SLC27A6: variants seen among roughly 807,000 people sequenced by gnomAD.
SLC27A6 encodes the protein solute carrier family 27 member 6, also known as long-chain fatty acid transport protein 6.
In SLC27A6, 74 loss-of-function variants were observed where a neutral mutation model predicts 63.9. That is an observed-to-expected ratio of 1.16 (90% CI 0.96 to 1.40). The LOEUF (loss-of-function observed/expected upper bound fraction) is 1.40, where lower values mean the gene tolerates loss of function less well. Ranked by LOEUF, SLC27A6 falls within the 40% of genes most tolerant of loss-of-function variation. The pLI is 0.00. For synonymous variants in SLC27A6, 287 were observed against 260.8 expected (o/e 1.10, Z -0.97); for missense variants, 794 against 732.9 (o/e 1.08, Z -0.96).
chr5:129,029,848 C>A (rs1382349411), intron 9 of SLC27A6, 141 bp downstream of exon 9: 20 of 666,534 alleles, frequency 3.0e-5, no homozygotes, highest in Middle Eastern at 4.2e-4. Context: ...CAGATCGATG[C>A]CATGTTTGAA....
At chr5:129,007,430 G>A (rs1215737853) in intron 4 of SLC27A6, among the ~76,000 whole-genome samples, 4 of 127,072 alleles carry the variant, frequency 3.1e-5, no homozygotes, top group East Asian at 4.4e-4. Context: ...GCGACAGAGC[G>A]AGACTCAGTC....
intron 2 of SLC27A6, among the ~76,000 whole-genome samples, chr5:128,987,303 A>G (rs926594934): frequency 6.6e-6 from 1 of 152,186 alleles, no homozygotes; most frequent in African/African-American, 2.4e-5. Context: ...GATTCCCCCA[A>G]CAGAATGTCC....
At chr5:128,975,406 A>G (rs1255536346) in intron 1 of SLC27A6, among the ~76,000 whole-genome samples, 2 of 152,220 alleles carry the variant, frequency 1.3e-5, no homozygotes, top group African/African-American at 4.8e-5. Flanking sequence ...TTGTTGTGTG[A>G]ACATCATAGA....
rs772325907 is a variant in SLC27A6, at chr5:128,966,556, G to T, written c.419G>T (p.Arg140Leu). The change falls in exon 1 of 10, where the codon CGC (arginine) becomes CTC (leucine). Residue 140 changes from arginine to leucine, a missense_variant. Arg to Leu is a moderately radical substitution (Grantham distance 102, BLOSUM62 -2). Transcript: ENST00000262462. ...CVVAFLNTNI[R>L]SNSLLNCIRA... ...GTGGCCTTTCTCAACACCAACATTCGCTCCAACTCCCTCCTGAATTGCATC... is the reference window on the plus strand; with the variant it reads ...GTGGCCTTTCTCAACACCAACATTCTCTCCAACTCCCTCCTGAATTGCATC... The T allele has an allele frequency of 4.5e-5, 70 of 1,572,150 alleles. No individual in the cohort carries two copies. Among genetic ancestry groups the T allele is most frequent in the Non-Finnish European group, 5.8e-5 (68 of 1,164,216 alleles).
chr5:128,986,464 T>C (rs1172058803), intron 2 of SLC27A6, among the ~76,000 whole-genome samples: 1 of 152,248 alleles, frequency 6.6e-6, no homozygotes, highest in Admixed American at 6.5e-5. Context: ...GTATTGTTAC[T>C]CATTTCTTGT....
chr5:128,998,117 CAAAAAAAA>C (rs34463699), intron 4 of SLC27A6, among the ~76,000 whole-genome samples: 6 of 89,384 alleles, frequency 6.7e-5, no homozygotes, highest in African/African-American at 2.2e-4. Flanking sequence ...CCCATCTCTA[CAAAAAAAA>C]AAAAAAAAAA....
At chr5:128,992,126 GGGTGGGGC>G in intron 4 of SLC27A6, among the ~76,000 whole-genome samples, 1 of 139,070 alleles carries the variant, frequency 7.2e-6, no homozygotes, top group African/African-American at 3.0e-5. Flanking sequence ...GCCCTACGTG[GGGTGGGGC>G]AACAGAACCT....
At position 128,985,186 on chromosome 5, in the gene SLC27A6, GT is replaced by G. The variant is rs763580811; in HGVS notation, c.538del (p.Trp180GlyfsTer3). 2 of 1,613,970 alleles carry G rather than the reference GT, an allele frequency of 1.2e-6. No individual in the cohort carries two copies. Among genetic ancestry groups the G allele is most frequent in the Non-Finnish European group, 1.7e-6 (2 of 1,179,946 alleles). On this transcript the variant is annotated frameshift_variant, in exon 2 of 10. Transcript: ENST00000262462. LOFTEE classifies it high-confidence loss of function. ...ILPSLSENIS[V>X]WGMKDSVPQG... ...TCCAAGCCTCTCAGAAAATATCAGT[GT>G]TTGGGGGATGAAAGATTCTGTTCCA...
chr5:128,973,145 G>T (rs2577442), intron 1 of SLC27A6, among the ~76,000 whole-genome samples: 1 of 151,992 alleles, frequency 6.6e-6, no homozygotes, highest in Non-Finnish European at 1.5e-5. Flanking sequence ...CTGGAAGCTT[G>T]GTCTCAGAGG....
intron 1 of SLC27A6, among the ~76,000 whole-genome samples, chr5:128,973,858 A>G (rs1750280975): frequency 6.6e-6 from 1 of 152,148 alleles, no homozygotes; most frequent in Non-Finnish European, 1.5e-5. Context: ...TGCGTCGCTC[A>G]CGCTAGGAGC....
intron 1 of SLC27A6, among the ~76,000 whole-genome samples, chr5:128,969,139 T>C (rs368856204): frequency 1.3e-5 from 2 of 152,134 alleles, no homozygotes; most frequent in South Asian, 2.1e-4. Flanking sequence ...GTTTTGGTAC[T>C]AGTACCATGC....
chr5:128,967,856 C>T (rs925724644), intron 1 of SLC27A6, among the ~76,000 whole-genome samples: 2 of 152,078 alleles, frequency 1.3e-5, no homozygotes, highest in African/African-American at 4.8e-5. Flanking sequence ...TAGTGTGCTG[C>T]ACCCATTAAC....
At chr5:129,003,777 C>G (rs1220166821) in intron 4 of SLC27A6, among the ~76,000 whole-genome samples, 1 of 151,792 alleles carries the variant, frequency 6.6e-6, no homozygotes, top group Non-Finnish European at 1.5e-5. Context: ...CAAGACCAGC[C>G]TATGCAACAT....
At chr5:128,978,870 T>A (rs1433527634) in intron 1 of SLC27A6, among the ~76,000 whole-genome samples, 1 of 152,162 alleles carries the variant, frequency 6.6e-6, no homozygotes, top group African/African-American at 2.4e-5. Context: ...CTTTTCTAAG[T>A]TTAAATATAT....
chr5:128,966,132 G>A lies in SLC27A6; in HGVS notation c.-6G>A, dbSNP rs193183028. On this transcript the variant is annotated 5_prime_UTR_variant, in exon 1 of 10. Coordinates refer to ENST00000262462, the MANE Select transcript of SLC27A6 (RefSeq NM_001017372.3). Reference sequence around the variant, plus strand: ...ATCAGAGCTGTCTTCTGGCCCAGTTGCCCCCATGCTTCTGTCATGGCTAAC... The same window carrying A: ...ATCAGAGCTGTCTTCTGGCCCAGTTACCCCCATGCTTCTGTCATGGCTAAC... The A allele has an allele frequency of 5.3e-4, 816 of 1,529,328 alleles. 10 individuals carry two copies. In the African/African-American group the frequency reaches 9.8e-3, roughly 18 times the overall value. The allele number at this position is 1,529,328 out of a possible 1,614,324, so 94.7% of individuals were successfully genotyped here.
intron 1 of SLC27A6, among the ~76,000 whole-genome samples, chr5:128,978,164 T>C (rs1293011372): frequency 6.6e-6 from 1 of 152,192 alleles, no homozygotes; most frequent in Non-Finnish European, 1.5e-5. Context: ...AATTTTAACA[T>C]TTTTCTTATC....
In SLC27A6 at chr5:128,983,433, C is replaced by T. The variant is rs560173604; in HGVS notation, c.482-1700C>T. Among the ~76,000 whole-genome samples, 13 of 151,538 alleles carry T rather than the reference C, an allele frequency of 8.6e-5. No homozygotes were observed. In the South Asian group the frequency reaches 2.7e-3, roughly 32 times the overall value. On this transcript the variant is annotated intron_variant, in intron 1 of 9. Coordinates refer to ENST00000262462, the MANE Select transcript of SLC27A6 (RefSeq NM_001017372.3). ...TCAGCCTCCTGAGTAGATGGGATTA[C>T]AGGCACCCATCACCATACCTGGCTA...
intron 4 of SLC27A6, among the ~76,000 whole-genome samples, chr5:129,014,215 C>T (rs1751816993): frequency 6.6e-6 from 1 of 152,164 alleles, no homozygotes. Context: ...AGAGATGCAT[C>T]TCTAAGCAAA....
intron 3 of SLC27A6, 48 bp from the exon 4 acceptor site, chr5:128,990,292 T>C: frequency 1.9e-6 from 3 of 1,587,512 alleles, no homozygotes; most frequent in Non-Finnish European, 2.6e-6. Flanking sequence ...ATGTTCATTC[T>C]GCCTTTGAAT....
Sources: allele counts gnomAD v4.1 joint callset (sites outside exome capture counted in the v4.1 genomes callset), GRCh38; gene constraint gnomAD v4.1.1; transcripts MANE v1.5; gene names NCBI Gene and HGNC (gene_info 2026-07-23, HGNC 2026-07-21).